Variants in HPS5 observed in about 807,000 individuals in gnomAD.
The protein encoded by HPS5 is BLOC-2 complex member HPS5.
In HPS5, 83 loss-of-function variants were observed where a neutral mutation model predicts 128.0. That is an observed-to-expected ratio of 0.65 (90% CI 0.54 to 0.78). The LOEUF (loss-of-function observed/expected upper bound fraction) is 0.78. Among genes scored for constraint, HPS5 ranks in the 30% least tolerant of loss-of-function variants. The pLI is 0.00. For synonymous variants in HPS5, 475 were observed against 470.2 expected, an observed-to-expected ratio of 1.01 and a Z score of -0.13; for missense variants, 1,281 against 1,326.2, an observed-to-expected ratio of 0.97 and a Z score of 0.53.
In HPS5 at chr11:18,291,762, CA is replaced by C; in HGVS notation, c.2119del (p.Cys707ValfsTer4). ...GNEESVDKTA[C>X]ECVRSPRESL... ...CTCCCTTGGACTCCTTACACATTCA[CA>C]TGCTGTTTTATCAACAGATTCTTCA... On this transcript the variant is annotated frameshift_variant, in exon 16 of 23. Transcript: ENST00000349215. LOFTEE classifies it high-confidence loss of function. 6.2e-7 allele frequency: 1 copy of C among 1,614,182 alleles called. No homozygotes were observed. Among genetic ancestry groups the C allele is most frequent in the African/African-American group, 1.3e-5 (1 of 75,072 alleles).
At chr11:18,281,276 T>G (rs1424919200) in intron 22 of HPS5, among the ~76,000 whole-genome samples, 9 of 148,056 alleles carry the variant, frequency 6.1e-5, no homozygotes, top group Non-Finnish European at 1.2e-4. Flanking sequence ...TTTTTTTTAG[T>G]AGAGACAGGG....
At chr11:18,304,504 C>T (rs1252481438) in intron 8 of HPS5, among the ~76,000 whole-genome samples, 3 of 152,206 alleles carry the variant, frequency 2.0e-5, no homozygotes, top group African/African-American at 7.2e-5. Flanking sequence ...GCATGAGCCA[C>T]ACCCGGCCTT....
At chr11:18,299,006 A>T in intron 9 of HPS5, 36 bp from the exon 10 acceptor site, 1 of 1,578,672 alleles carries the variant, frequency 6.3e-7, no homozygotes. Context: ...ACAAAATGTT[A>T]ACCAAATACC....
intron 2 of HPS5, among the ~76,000 whole-genome samples, 173 bp downstream of exon 2, chr11:18,317,578 C>T (rs531128803): frequency 6.6e-6 from 1 of 152,242 alleles, no homozygotes; most frequent in South Asian, 2.1e-4. Flanking sequence ...TTTAAAGGGG[C>T]TCACACTCCT....
intron 8 of HPS5, 148 bp downstream of exon 8, chr11:18,305,274 A>G: frequency 1.6e-6 from 1 of 632,656 alleles, no homozygotes; most frequent in East Asian, 2.8e-5. Flanking sequence ...TTAGATACAG[A>G]ACACTTCATG....
chr11:18,303,414 T>C (rs1861963529), intron 8 of HPS5, among the ~76,000 whole-genome samples: 1 of 152,210 alleles, frequency 6.6e-6, no homozygotes, highest in Non-Finnish European at 1.5e-5. Context: ...CTTTGAGGAA[T>C]CAGCAGAAGT....
intron 18 of HPS5, 154 bp from the exon 19 acceptor site, chr11:18,286,864 T>TG: frequency 1.1e-6 from 1 of 932,540 alleles, no homozygotes; most frequent in South Asian, 1.6e-5. Flanking sequence ...GAAATGCTGG[T>TG]GACCAAGCTC....
intron 21 of HPS5, among the ~76,000 whole-genome samples, chr11:18,283,583 C>T (rs1228875263): frequency 6.6e-6 from 1 of 151,952 alleles, no homozygotes; most frequent in African/African-American, 2.4e-5. Flanking sequence ...GAAAAGTTGC[C>T]TATAGTTTAT....
At position 18,300,888 on chromosome 11, in the gene HPS5, T is replaced by G; in HGVS notation, c.925A>C (p.Arg309=). 6.2e-7 allele frequency: 1 copy of G among 1,601,884 alleles called. No individual in the cohort carries two copies. Among genetic ancestry groups the G allele is most frequent in the African/African-American group, 1.3e-5 (1 of 74,828 alleles). Reference sequence around the variant, plus strand: ...TGAGGAATGAAAATATAAATTCCTCTTTCTGTCCAAGTCAGCACACAATGC... The same window carrying G: ...TGAGGAATGAAAATATAAATTCCTCGTTCTGTCCAAGTCAGCACACAATGC... ...SEHCVLTWTE[R]GIYIFIPQNV... The change falls in exon 9 of 23, where the codon AGA becomes CGA. Residue 309 remains arginine (R), a synonymous_variant. Transcript: ENST00000349215.
At chr11:18,287,074 T>A (rs1467037264) in intron 18 of HPS5, among the ~76,000 whole-genome samples, 1 of 151,976 alleles carries the variant, frequency 6.6e-6, no homozygotes, top group Non-Finnish European at 1.5e-5. Flanking sequence ...TTGTGGCAAA[T>A]GTGAACCAAT....
intron 6 of HPS5, 120 bp downstream of exon 6, chr11:18,308,826 A>G (rs1862642905): frequency 2.1e-6 from 2 of 939,508 alleles, no homozygotes; most frequent in East Asian, 2.9e-5. Context: ...AAAAAAAGAA[A>G]AAAAAGAAAA....
rs886755182 is a variant in HPS5, at chr11:18,321,288, C to T, written c.-50+658G>A. 5.9e-5 allele frequency among the ~76,000 whole-genome samples: 9 copies of T among 152,206 alleles called. No homozygotes were observed. In the East Asian group the frequency reaches 1.5e-3, roughly 26 times the overall value. Reference sequence around the variant, plus strand: ...TTCTCCAACTACATTGGACTCGACTCTTTTTTTCTTTTTCATTCCATAAAC... The same window carrying T: ...TTCTCCAACTACATTGGACTCGACTTTTTTTTTCTTTTTCATTCCATAAAC... On this transcript the variant is annotated intron_variant, in intron 1 of 22. Transcript: ENST00000349215.
At chr11:18,307,552 C>T (rs1862512108) in intron 6 of HPS5, among the ~76,000 whole-genome samples, 1 of 151,936 alleles carries the variant, frequency 6.6e-6, no homozygotes, top group Non-Finnish European at 1.5e-5. Flanking sequence ...AAAATGTAAT[C>T]AATTCATTAT....
chr11:18,316,810 G>A (rs1192198605), intron 2 of HPS5, among the ~76,000 whole-genome samples: 1 of 152,202 alleles, frequency 6.6e-6, no homozygotes. Context: ...ATTAGTGATT[G>A]GCTATACACT....
chr11:18,314,250 G>A (rs1402619784), intron 2 of HPS5, among the ~76,000 whole-genome samples: 1 of 151,618 alleles, frequency 6.6e-6, no homozygotes, highest in Non-Finnish European at 1.5e-5. Flanking sequence ...CCCCTCCCCC[G>A]ACCAGCCGTC....
chr11:18,280,261 G>A (rs1462781224), intron 22 of HPS5, among the ~76,000 whole-genome samples: 2 of 152,130 alleles, frequency 1.3e-5, no homozygotes, highest in African/African-American at 4.8e-5. Flanking sequence ...TGGTCAATAA[G>A]CATATGAAAA....
At chr11:18,300,716 A>ATT in intron 9 of HPS5, 112 bp downstream of exon 9, 2 of 538,878 alleles carry the variant, frequency 3.7e-6, no homozygotes, top group African/African-American at 2.0e-5. Context: ...AAAAAAAAAA[A>ATT]AAAAGTCATC....
At chr11:18,297,794 T>G in intron 10 of HPS5, 77 bp from the exon 11 acceptor site, 8 of 1,344,878 alleles carry the variant, frequency 5.9e-6, no homozygotes, top group Non-Finnish European at 8.4e-6. Flanking sequence ...TTGAAAGAGG[T>G]CTAGGCCGGG....
At chr11:18,315,170 A>G (rs750862545) in intron 2 of HPS5, among the ~76,000 whole-genome samples, 14 of 152,232 alleles carry the variant, frequency 9.2e-5, no homozygotes, top group Non-Finnish European at 2.1e-4. Flanking sequence ...TCAGCAACCA[A>G]TACCCCAAAA....
Sources: allele counts gnomAD v4.1 joint callset (sites outside exome capture counted in the v4.1 genomes callset), GRCh38; gene constraint gnomAD v4.1.1; transcripts MANE v1.5; gene names NCBI Gene and HGNC (gene_info 2026-07-23, HGNC 2026-07-21).